AGMO: variants seen among roughly 807,000 people sequenced by gnomAD.
AGMO encodes alkylglycerol monooxygenase, also known as glyceryl-ether monooxygenase.
AGMO carries 75 observed loss-of-function variants against 60.2 expected under a neutral mutation model. The ratio of observed to expected loss-of-function variants is 1.25; its 90% confidence interval spans 1.03 to 1.51. The LOEUF (loss-of-function observed/expected upper bound fraction) is 1.51. Ranked by LOEUF, AGMO falls within the 40% of genes most tolerant of loss-of-function variation. The pLI is 0.00. For missense variants in AGMO, 763 were observed against 525.5 expected, an observed-to-expected ratio of 1.45 and a Z score of -4.42; for synonymous variants, 261 against 177.1, an observed-to-expected ratio of 1.47 and a Z score of -3.76.
intron 12 of AGMO, among the ~76,000 whole-genome samples, chr7:15,272,757 G>C (rs980552388): frequency 6.6e-6 from 1 of 152,166 alleles, no homozygotes; most frequent in African/African-American, 2.4e-5. Context: ...CAGTGTAAAA[G>C]TGTTCCTATT....
rs1311383005 is a variant in AGMO at position 15,550,349 on chromosome 7, C to A, written c.258-5426G>T. On this transcript the variant is annotated intron_variant, in intron 2 of 12. Coordinates refer to ENST00000342526, the MANE Select transcript of AGMO (RefSeq NM_001004320.2). ...AACTGAAGGAAATAGAGACACAAAA[C>A]ACCCTTCAAAAAATTAATGAATCCA... 3.6e-3 allele frequency among the ~76,000 whole-genome samples: 552 copies of A among 151,716 alleles called. 5 individuals are homozygous for A. Among genetic ancestry groups the A allele is most frequent in the African/African-American group, 0.012 (506 of 41,142 alleles).
intron 3 of AGMO, among the ~76,000 whole-genome samples, chr7:15,440,363 C>A (rs763625983): frequency 4.0e-5 from 6 of 151,736 alleles, no homozygotes; most frequent in Non-Finnish European, 5.9e-5. Flanking sequence ...TTTTGGAAAC[C>A]AGAAAAGGGA....
intron 12 of AGMO, among the ~76,000 whole-genome samples, chr7:15,322,989 T>A (rs1781227778): frequency 8.5e-6 from 1 of 117,542 alleles, no homozygotes. Context: ...GTATTTATTT[T>A]TTATTTTTTC....
chr7:15,502,688 T>C (rs556221440), intron 3 of AGMO, among the ~76,000 whole-genome samples: 44 of 152,166 alleles, frequency 2.9e-4, no homozygotes, highest in African/African-American at 1.1e-3. Flanking sequence ...TGAAAAGCAA[T>C]GCTTTTGGTG....
intron 10 of AGMO, among the ~76,000 whole-genome samples, chr7:15,379,485 A>G (rs1783590924): frequency 6.6e-6 from 1 of 152,078 alleles, no homozygotes; most frequent in Non-Finnish European, 1.5e-5. Flanking sequence ...ATGAACACTT[A>G]CATGCACATA....
chr7:15,184,407 G>GGGGA, the AGMO span, among the ~76,000 whole-genome samples: 1 of 63,724 alleles, frequency 1.6e-5, no homozygotes. Context: ...GAGGAAGAAA[G>GGGGA]GGAAGGAAGG....
intron 12 of AGMO, among the ~76,000 whole-genome samples, chr7:15,289,553 A>T (rs1784195868): frequency 6.6e-6 from 1 of 152,210 alleles, no homozygotes; most frequent in East Asian, 1.9e-4. Context: ...AAAGAAATTT[A>T]AAGGTCTAAT....
downstream of AGMO, among the ~76,000 whole-genome samples, chr7:15,198,196 CGAGAGAGAGAGAGAGAGA>C (rs748392069): frequency 4.2e-3 from 322 of 77,404 alleles, 1 homozygote; most frequent in Middle Eastern, 8.6e-3. Context: ...AGGGCTTTCC[CGAGAGAGAGAGAGAGAGA>C]GAGAGAGAGA....
chr7:15,359,831 G>A (rs1782682978), intron 12 of AGMO, among the ~76,000 whole-genome samples: 1 of 152,096 alleles, frequency 6.6e-6, no homozygotes, highest in African/African-American at 2.4e-5. Context: ...AAAAAATCCT[G>A]AAACCTTTCC....
intron 3 of AGMO, among the ~76,000 whole-genome samples, chr7:15,512,397 C>T (rs1221847615): frequency 1.3e-5 from 2 of 152,130 alleles, no homozygotes; most frequent in Admixed American, 6.5e-5. Context: ...GGACCACAGG[C>T]GAATACCACC....
chr7:15,178,842 AG>A, the AGMO span, among the ~76,000 whole-genome samples: 1 of 152,038 alleles, frequency 6.6e-6, no homozygotes, highest in South Asian at 2.1e-4. Flanking sequence ...ATGGTTCTGG[AG>A]GCTGGGGAGT....
rs145857009 is a variant in AGMO, at chr7:15,499,290, A to C, written c.409+45482T>G. On this transcript the variant is annotated intron_variant, in intron 3 of 12. Transcript: ENST00000342526. ...TGTTTTTTTAAAAAACAAAAATTCC[A>C]CTCCAGTCACTCACCTTTTGTGTGC... Among the ~76,000 whole-genome samples the C allele has an allele frequency of 4.9e-4, 74 of 151,876 alleles. No individual in the cohort carries two copies. In the East Asian group the frequency reaches 0.011, roughly 24 times the overall value.
At chr7:15,383,873 T>A (rs1783799245) in intron 10 of AGMO, among the ~76,000 whole-genome samples, 1 of 152,188 alleles carries the variant, frequency 6.6e-6, no homozygotes, top group African/African-American at 2.4e-5. Context: ...TCTTCCATGT[T>A]TTTAATCTGT....
At chr7:15,436,419 G>C (rs185372341) in intron 3 of AGMO, among the ~76,000 whole-genome samples, 1 of 152,246 alleles carries the variant, frequency 6.6e-6, no homozygotes, top group Admixed American at 6.5e-5. Flanking sequence ...AGAAGAGAGT[G>C]AACCCACTCG....
intron 3 of AGMO, among the ~76,000 whole-genome samples, chr7:15,444,352 T>C (rs1303619388): frequency 6.6e-6 from 1 of 152,166 alleles, no homozygotes; most frequent in Non-Finnish European, 1.5e-5. Flanking sequence ...AAATGTTTGC[T>C]TGACCCTCCC....
At chr7:15,319,516 G>A (rs138514329) in intron 12 of AGMO, among the ~76,000 whole-genome samples, 1 of 152,214 alleles carries the variant, frequency 6.6e-6, no homozygotes, top group African/African-American at 2.4e-5. Context: ...GAGTCATTAT[G>A]GAGAAAAAGT....
intron 3 of AGMO, among the ~76,000 whole-genome samples, chr7:15,510,769 T>C (rs1783650300): frequency 6.7e-6 from 1 of 149,226 alleles, no homozygotes; most frequent in Non-Finnish European, 1.5e-5. Flanking sequence ...TATTGACAGT[T>C]TCTTGGAAAC....
intron 12 of AGMO, among the ~76,000 whole-genome samples, chr7:15,240,848 T>A (rs1035321307): frequency 6.6e-6 from 1 of 152,004 alleles, no homozygotes; most frequent in Non-Finnish European, 1.5e-5. Flanking sequence ...TTAATTCTTA[T>A]AACATCTAGG....
intron 12 of AGMO, among the ~76,000 whole-genome samples, chr7:15,333,711 G>A (rs1781568052): frequency 1.3e-5 from 2 of 151,914 alleles, no homozygotes; most frequent in South Asian, 2.1e-4. Context: ...TATTTAAAGT[G>A]CTTGGAAAAG....
Sources: gnomAD v4.1 joint callset for allele counts (sites outside exome capture counted in the v4.1 genomes callset) on GRCh38, gnomAD v4.1.1 for gene constraint, MANE v1.5 for transcripts, NCBI Gene and HGNC (gene_info 2026-07-23, HGNC 2026-07-21) for gene names.